The following TRAF7 variants were observed in gnomAD, a reference collection of about 807,000 sequenced individuals.
The protein encoded by TRAF7 is TNF receptor associated factor 7.
A neutral mutation model predicts 89.3 loss-of-function variants in TRAF7; 45 were observed. The ratio of observed to expected loss-of-function variants is 0.50; its 90% CI spans 0.40 to 0.65. TRAF7 has a LOEUF of 0.65. Among genes scored for constraint, TRAF7 ranks in the 30% least tolerant of loss-of-function variants. TRAF7 has a pLI of 0.00. For synonymous variants in TRAF7, 406 were observed against 369.2 expected, an observed-to-expected ratio of 1.10 and a Z score of -1.14; for missense variants, 677 against 918.1, an observed-to-expected ratio of 0.74 and a Z score of 3.39.
chr16:2,172,812 C>T (rs937635047), intron 9 of TRAF7, among the ~76,000 whole-genome samples: 2 of 147,546 alleles, frequency 1.4e-5, no homozygotes, highest in East Asian at 4.0e-4. Context: ...GCAGCCGGCC[C>T]AGCATGGGCG....
Position 2,163,669 on chromosome 16 carries a change from A to G in TRAF7, c.-38-214A>G, listed in dbSNP as rs2093066351. The G allele has an allele frequency of 7.3e-6, 4 of 550,828 alleles. No individual in the cohort carries two copies. Among genetic ancestry groups the G allele is most frequent in the Non-Finnish European group, 1.3e-5 (4 of 305,694 alleles). 34.1% of individuals were successfully genotyped at this position (550,828 alleles called of 1,614,324 possible). ...GCTAAGCCTTGAGGGACGGTGACGC[A>G]GAGCCGCCTGCCTGCCCGGGCCTCT... On this transcript the variant is annotated intron_variant, in intron 1 of 20. Coordinates refer to ENST00000326181, the MANE Select transcript of TRAF7 (RefSeq NM_032271.3). The surrounding 1 kb of genome is among the most constrained non-coding windows in gnomAD (Gnocchi z 4.3).
chr16:2,165,476 G>A (rs1245731281), intron 2 of TRAF7, among the ~76,000 whole-genome samples: 2 of 128,012 alleles, frequency 1.6e-5, no homozygotes, highest in African/African-American at 3.2e-5. Flanking sequence ...ATGGTTAAGC[G>A]TGTGAGTGCT....
chr16:2,173,859 T>TTGGC, intron 12 of TRAF7, 23 bp downstream of exon 12: 15 of 1,245,720 alleles, frequency 1.2e-5, no homozygotes, highest in Non-Finnish European at 1.4e-5. Flanking sequence ...CCGCCGTGGC[T>TTGGC]CCCGCCCACC....
At chr16:2,165,161 G>A (rs112614458) in intron 2 of TRAF7, among the ~76,000 whole-genome samples, 2 of 136,016 alleles carry the variant, frequency 1.5e-5, no homozygotes, top group East Asian at 2.3e-4. Context: ...TGAGTGCTGC[G>A]TGGCCTGGCC....
chr16:2,171,566 C>T lies in TRAF7; in HGVS notation c.442-6C>T, dbSNP rs2093110863. 1.2e-6 allele frequency: 2 copies of T among 1,613,326 alleles called. No individual in the cohort carries two copies. The highest frequency in any genetic ancestry group is 2.2e-5 in the East Asian group (1 of 44,872). ...CCACCCTCAAGCCCGCCCTTTGCCT[C>T]CACAGCACACGTTCTGTAGGAGATG... On this transcript the variant is annotated splice_polypyrimidine_tract_variant and splice_region_variant and intron_variant, in intron 6 of 20. Transcript: ENST00000326181.
intron 7 of TRAF7, 64 bp from the exon 8 acceptor site, chr16:2,172,127 C>T (rs2093114197): frequency 6.3e-7 from 1 of 1,594,316 alleles, no homozygotes; most frequent in Non-Finnish European, 8.6e-7. Flanking sequence ...GAGGCTCATG[C>T]CCACCCGGGT....
At chr16:2,172,835 T>TG (rs999989149) in intron 9 of TRAF7, among the ~76,000 whole-genome samples, 11 of 122,864 alleles carry the variant, frequency 9.0e-5, no homozygotes, top group African/African-American at 3.5e-4. Flanking sequence ...TTTGAGCAAA[T>TG]GCTGGGGTTG....
In TRAF7 at chr16:2,175,917, C is replaced by T. The variant is rs2141297563; in HGVS notation, c.1710C>T (p.His570=). 3.1e-6 allele frequency: 5 copies of T among 1,613,500 alleles called. No homozygotes were observed. Among genetic ancestry groups the T allele is most frequent in the Non-Finnish European group, 4.2e-6 (5 of 1,179,990 alleles). The change falls in exon 18 of 21, where the codon CAC becomes CAT. Residue 570 remains histidine (H), a synonymous_variant. Transcript: ENST00000326181. ...TCTACTCCATTGCTGTGACAAATCA[C>T]CACATTGTCTGTGGCACCTACGAGA... ...GSVYSIAVTN[H]HIVCGTYENL... is the part of the protein sequence containing the mutation.
At chr16:2,165,208 T>C (rs1410043763) in intron 2 of TRAF7, among the ~76,000 whole-genome samples, 7 of 126,732 alleles carry the variant, frequency 5.5e-5, no homozygotes, top group Admixed American at 1.6e-4. Context: ...CTGCATGGCC[T>C]GGCCTGGTCG....
At position 2,172,357 on chromosome 16, in the gene TRAF7, C is replaced by T; in HGVS notation, c.642C>T (p.Ile214=). 6.2e-7 allele frequency: 1 copy of T among 1,612,170 alleles called. No individual in the cohort carries two copies. Among genetic ancestry groups the T allele is most frequent in the Non-Finnish European group, 8.5e-7 (1 of 1,179,750 alleles). Residue 214 remains isoleucine (I), a synonymous_variant, in exon 8 of 21, where the codon ATC becomes ATT. Transcript: ENST00000326181. The part of the protein sequence containing the change: ...EVDPRGCPFT[I]KLSARKDHEG... ...ACCCCCGAGGGTGCCCCTTCACCATCAAGCTCAGCGCCCGGAAGTAAGTGC... is the reference window on the plus strand; with the variant it reads ...ACCCCCGAGGGTGCCCCTTCACCATTAAGCTCAGCGCCCGGAAGTAAGTGC...
chr16:2,170,679 C>T lies in TRAF7; in HGVS notation c.297C>T (p.Ser99=), dbSNP rs1233938619. Residue 99 remains serine (S), a synonymous_variant, in exon 5 of 21, where the codon TCC becomes TCT. Transcript: ENST00000326181. ...AISVRSLHSE[S]SMSLRSTFSL... Reference sequence around the variant, plus strand: ...CTGTCCGCTCCCTGCACTCAGAGTCCAGCATGTCTCTGCGCTCCACATTCT... The same window carrying T: ...CTGTCCGCTCCCTGCACTCAGAGTCTAGCATGTCTCTGCGCTCCACATTCT... 1.2e-6 allele frequency: 2 copies of T among 1,609,014 alleles called. No homozygotes were observed. Among genetic ancestry groups the T allele is most frequent in the Admixed American group, 3.3e-5 (2 of 59,830 alleles).
chr16:2,177,350 C>G lies in TRAF7; in HGVS notation c.*776C>G, dbSNP rs1053967493. 1 of 233,930 alleles carries G rather than the reference C, an allele frequency of 4.3e-6. No homozygotes were observed. The highest frequency in any genetic ancestry group is 8.4e-6 in the Non-Finnish European group (1 of 118,498). 14.5% of individuals were successfully genotyped at this position (233,930 alleles called of 1,614,324 possible). On this transcript the variant is annotated 3_prime_UTR_variant, in exon 21 of 21. Coordinates refer to ENST00000326181, the MANE Select transcript of TRAF7 (RefSeq NM_032271.3). ...TGAGACAGCAGGAAGGGGCCCTGCA[C>G]GCCGGGACGCCACCTCCGCCAGCCG...
chr16:2,173,478 C>T lies in TRAF7; in HGVS notation c.1013-3C>T, dbSNP rs757974752. On this transcript the variant is annotated splice_polypyrimidine_tract_variant and splice_region_variant and intron_variant, in intron 10 of 20. Coordinates refer to ENST00000326181, the MANE Select transcript of TRAF7 (RefSeq NM_032271.3). ...TGACACCCCCTCTCCTCCTGCTACT[C>T]AGACGTCCTGGACGAAAACCAGAGC... 27 of 1,613,316 alleles carry T rather than the reference C, an allele frequency of 1.7e-5. No homozygotes were observed. Among genetic ancestry groups the T allele is most frequent in the Non-Finnish European group, 2.3e-5 (27 of 1,179,920 alleles).
rs915452298 is a variant in TRAF7 at position 2,161,158 on chromosome 16, G to A, written c.-38-2725G>A. ...AGTGAACTGGGAAGCAGCCTCCTGT[G>A]CAGAGTATCCCCCTCCTTCCCTCCC... On this transcript the variant is annotated intron_variant, in intron 1 of 20. Transcript: ENST00000326181. This position sits in a 1 kb window ranked among gnomAD's most constrained non-coding sequence, Gnocchi z 5.2. Among the ~76,000 whole-genome samples the A allele has an allele frequency of 3.3e-5, 5 of 151,676 alleles. No homozygotes were observed. The highest frequency in any genetic ancestry group is 4.8e-5 in the African/African-American group (2 of 41,264).
Position 2,158,781 on chromosome 16 carries a change from G to C in TRAF7, c.-39+2923G>C, listed in dbSNP as rs1208504244. ...GCGTGGGCTCGGCGGGGGGGGGGGG[G>C]ACACTGCCACCCTTGGCTCTTGGGC... is the stretch of plus-strand genomic sequence containing the variant. On this transcript the variant is annotated intron_variant, in intron 1 of 20. Transcript: ENST00000326181. The surrounding 1 kb of genome is among the most constrained non-coding windows in gnomAD (Gnocchi z 4.7). Among the ~76,000 whole-genome samples the C allele has an allele frequency of 1.4e-5, 2 of 144,816 alleles. No homozygotes were observed. The highest frequency in any genetic ancestry group is 5.0e-5 in the African/African-American group (2 of 39,944).
At chr16:2,173,093 C>T in intron 9 of TRAF7, 89 bp from the exon 10 acceptor site, 2 of 1,287,096 alleles carry the variant, frequency 1.6e-6, no homozygotes, top group Non-Finnish European at 2.2e-6. Context: ...GTGCAGCGGC[C>T]ACAGGGCTGG....
chr16:2,173,212 C>G lies in TRAF7; in HGVS notation c.825C>G (p.Tyr275Ter), dbSNP rs373436400. The change falls in exon 10 of 21, where the codon TAC (tyrosine) becomes TAG (stop). Residue 275 changes from tyrosine (Y) to a stop codon, truncating the protein, a stop_gained. Transcript: ENST00000326181. LOFTEE classifies it high-confidence loss of function. Reference protein sequence around the residue: ...GCTFIGNQDTYETHLETCRFE... With the variant: ...GCTFIGNQDT The stretch of plus-strand genomic sequence containing the variant: ...CGTTCATCGGGAACCAGGACACTTA[C>G]GAGACCCACCTGGAGACTTGCCGCT... 3 of 1,611,504 alleles carry G rather than the reference C, an allele frequency of 1.9e-6. No individual in the cohort carries two copies. The highest frequency in any genetic ancestry group is 1.7e-6 in the Non-Finnish European group (2 of 1,179,466).
rs140137721 is a variant in TRAF7 at position 2,162,408 on chromosome 16, G to T, written c.-38-1475G>T. Reference sequence around the variant, plus strand: ...GGGTGATGAGTGGCATCTTGAAGGCGCATGCAGGGCGGGCATGGCCAAAGG... The same window carrying T: ...GGGTGATGAGTGGCATCTTGAAGGCTCATGCAGGGCGGGCATGGCCAAAGG... On this transcript the variant is annotated intron_variant, in intron 1 of 20. Transcript: ENST00000326181. This position sits in a 1 kb window ranked among gnomAD's most constrained non-coding sequence, Gnocchi z 5.0. 4.1e-4 allele frequency among the ~76,000 whole-genome samples: 63 copies of T among 152,258 alleles called. No individual in the cohort carries two copies. Among genetic ancestry groups the T allele is most frequent in the African/African-American group, 1.5e-3 (62 of 41,574 alleles).
chr16:2,161,002 C>T lies in TRAF7; in HGVS notation c.-38-2881C>T, dbSNP rs997845655. 5.3e-5 allele frequency among the ~76,000 whole-genome samples: 8 copies of T among 152,176 alleles called. No homozygotes were observed. The highest frequency in any genetic ancestry group is 1.4e-4 in the African/African-American group (6 of 41,528). On this transcript the variant is annotated intron_variant, in intron 1 of 20. Transcript: ENST00000326181. This position sits in a 1 kb window ranked among gnomAD's most constrained non-coding sequence, Gnocchi z 5.2. ...TGGGGACTGGGCTGAGGGGAGGCCT[C>T]GGGCATCTTGCTCAATTCCGAGGTG...
Sources: gnomAD v4.1 joint callset for allele counts (sites outside exome capture counted in the v4.1 genomes callset) on GRCh38, gnomAD v4.1.1 for gene constraint, Gnocchi (gnomAD v3.1) non-coding constraint, MANE v1.5 for transcripts, NCBI Gene and HGNC (gene_info 2026-07-23, HGNC 2026-07-21) for gene names.